Variants in SLC12A6 observed in about 807,000 individuals in gnomAD.
SLC12A6 encodes solute carrier family 12 member 6, also known as K-Cl cotransporter 3.
In SLC12A6, 66 loss-of-function variants were observed where a neutral mutation model predicts 135.3. That is an observed-to-expected ratio of 0.49 (90% CI 0.40 to 0.60). The LOEUF (loss-of-function observed/expected upper bound fraction) is 0.60. SLC12A6 is among the 20% of genes least tolerant of loss of function. SLC12A6 has a pLI of 0.00. For synonymous variants in SLC12A6, 513 were observed against 508.8 expected, an observed-to-expected ratio of 1.01 and a Z score of -0.11; for missense variants, 1,058 against 1,452.3, an observed-to-expected ratio of 0.73 and a Z score of 4.41.
chr15:34,235,268 C>T lies in SLC12A6; in HGVS notation c.3274G>A (p.Glu1092Lys). The change falls in exon 25 of 26, where the codon GAG becomes AAG. Residue 1092 changes from glutamate (E) to lysine (K), a missense_variant. Physicochemically the swap from Glu to Lys is moderately conservative, Grantham distance 56. This residue lies in a region of SLC12A6 where 245 missense variants were observed against 440.8 expected (regional missense o/e 0.56). Transcript: ENST00000354181. ...TCATGGGACTTGTTAACTATAACCT[C>T]GTTGAGTTTCACTGCTGTATGCATC... ...RRMHTAVKLN[E>K]VIVNKSHEAK... is the part of the protein sequence containing the mutation. 1.2e-6 allele frequency: 2 copies of T among 1,612,342 alleles called. No individual in the cohort carries two copies. The highest frequency in any genetic ancestry group is 2.2e-5 in the East Asian group (1 of 44,872).
Position 34,245,742 on chromosome 15 carries a change from G to C in SLC12A6, c.1775C>G (p.Pro592Arg). 1 of 1,613,502 alleles carries C rather than the reference G, an allele frequency of 6.2e-7. No individual in the cohort carries two copies. The highest frequency in any genetic ancestry group is 8.5e-7 in the Non-Finnish European group (1 of 1,179,496). Residue 592 changes from proline to arginine, a missense_variant, in exon 14 of 26, where the codon CCG becomes CGG. This residue lies in a region of SLC12A6 where 170 missense variants were observed against 297.6 expected (regional missense o/e 0.57). Transcript: ENST00000354181. ...CTTGGCAATAGCTTGTAGCAGCCTC[G>C]GTGCACCTGTGAGGCTCTGAAGTCC... Reference protein sequence around the residue: ...GAGLQSLTGAPRLLQAIAKDN... With the variant: ...GAGLQSLTGARRLLQAIAKDN...
rs749058767 is a variant in SLC12A6, at chr15:34,245,757, C to T, written c.1760G>A (p.Ser587Asn). The change falls in exon 14 of 26, where the codon AGC (serine) becomes AAC (asparagine). Residue 587 changes from serine to asparagine, a missense_variant. By Grantham distance (46) the Ser-to-Asn change is conservative. Transcript: ENST00000354181. ...FFSTCGAGLQ[S>N]LTGAPRLLQA... ...TAGCAGCCTCGGTGCACCTGTGAGG[C>T]TCTGAAGTCCAGCCCCACATGTTGA... 11 of 1,613,914 alleles carry T rather than the reference C, an allele frequency of 6.8e-6. No homozygotes were observed. The highest frequency in any genetic ancestry group is 9.3e-6 in the Non-Finnish European group (11 of 1,179,822).
At chr15:34,244,582 C>T (rs1313479128) in intron 15 of SLC12A6, among the ~76,000 whole-genome samples, 1 of 152,110 alleles carries the variant, frequency 6.6e-6, no homozygotes, top group East Asian at 1.9e-4. Context: ...CTGGGTCTAC[C>T]TACTTCTCTA....
intron 2 of SLC12A6, among the ~76,000 whole-genome samples, chr15:34,285,156 A>C (rs1894959640): frequency 6.6e-6 from 1 of 152,248 alleles, no homozygotes; most frequent in South Asian, 2.1e-4. Flanking sequence ...ACATGATCAC[A>C]ACAGCTATAG....
intron 3 of SLC12A6, among the ~76,000 whole-genome samples, chr15:34,270,171 C>T (rs79181936): frequency 0.04 from 6,073 of 151,690 alleles, 341 homozygotes; most frequent in African/African-American, 0.1. Context: ...ATCACTCTGT[C>T]GCGGAGTACA....
At chr15:34,321,560 C>G (rs1889093346) in intron 2 of SLC12A6, among the ~76,000 whole-genome samples, 1 of 152,138 alleles carries the variant, frequency 6.6e-6, no homozygotes. Context: ...TTAGTACAAC[C>G]ACTATGGAAA....
intron 13 of SLC12A6, among the ~76,000 whole-genome samples, chr15:34,247,177 G>A (rs1892048715): frequency 6.6e-6 from 1 of 152,178 alleles, no homozygotes; most frequent in African/African-American, 2.4e-5. Flanking sequence ...CATAGCATCA[G>A]TTTAATTACT....
chr15:34,320,922 CAATAAAATAAAATAA>C (rs61190764), intron 2 of SLC12A6, among the ~76,000 whole-genome samples: 1 of 150,968 alleles, frequency 6.6e-6, no homozygotes, highest in Non-Finnish European at 1.5e-5. Flanking sequence ...AAAATAAATA[CAATAAAATAAAATAA>C]AATAAAATAA....
chr15:34,329,117 A>T (rs1159012286), intron 2 of SLC12A6, among the ~76,000 whole-genome samples: 3 of 152,222 alleles, frequency 2.0e-5, no homozygotes, highest in Admixed American at 6.5e-5. Context: ...AAACTCATGT[A>T]ACTTCATTAT....
At chr15:34,285,121 T>C (rs1894956682) in intron 2 of SLC12A6, among the ~76,000 whole-genome samples, 1 of 152,190 alleles carries the variant, frequency 6.6e-6, no homozygotes, top group East Asian at 1.9e-4. Flanking sequence ...TAAGAAGCCA[T>C]TGAAAGGTTT....
chr15:34,236,834 A>T lies in SLC12A6; in HGVS notation c.2935-19T>A, dbSNP rs773582337. On this transcript the variant is annotated intron_variant, in intron 22 of 25. Coordinates refer to ENST00000354181, the MANE Select transcript of SLC12A6 (RefSeq NM_001365088.1). ...TGTCATGCTGCCATAGACATCACAT[A>T]AAAGGGGCAAAAAGCACAAAGGAGA... The T allele has an allele frequency of 3.8e-6, 5 of 1,329,314 alleles. No homozygotes were observed. The East Asian group carries it at 1.1e-4, about 31-fold the overall frequency. 82.3% of individuals were successfully genotyped at this position (1,329,314 alleles called of 1,614,324 possible).
chr15:34,261,330 T>C (rs1222808116), intron 3 of SLC12A6, among the ~76,000 whole-genome samples: 1 of 152,166 alleles, frequency 6.6e-6, no homozygotes, highest in East Asian at 1.9e-4. Flanking sequence ...ATGGAGCTGC[T>C]ATGCCGCCCA....
At chr15:34,322,966 G>A (rs1385424241) in intron 2 of SLC12A6, among the ~76,000 whole-genome samples, 2 of 79,618 alleles carry the variant, frequency 2.5e-5, no homozygotes, top group Non-Finnish European at 4.3e-5. Context: ...GCGACAGAGT[G>A]AAACTCTGTC....
At chr15:34,298,769 T>C (rs936975987) in intron 2 of SLC12A6, among the ~76,000 whole-genome samples, 3 of 152,136 alleles carry the variant, frequency 2.0e-5, no homozygotes, top group African/African-American at 2.4e-5. Context: ...TCTCAATATT[T>C]AGTCATCAAA....
intron 2 of SLC12A6, among the ~76,000 whole-genome samples, chr15:34,326,348 G>A (rs938468206): frequency 1.3e-5 from 2 of 152,012 alleles, no homozygotes; most frequent in African/African-American, 2.4e-5. Flanking sequence ...GATTAAAAAC[G>A]GGCTCCTAGT....
rs1453318249 is a variant in SLC12A6, at chr15:34,337,744, C to G, written c.-485G>C. ...TGCAGTATCCCGGCGCCAGCTGATG[C>G]GGGTGCGCGCGCAGCTGTTGTTTAC... is the stretch of plus-strand genomic sequence containing the variant. On this transcript the variant is annotated 5_prime_UTR_variant, in exon 1 of 26. Coordinates refer to ENST00000354181, the MANE Select transcript of SLC12A6 (RefSeq NM_001365088.1). The G allele has an allele frequency of 6.7e-4, 102 of 152,274 alleles. No homozygotes were observed. The highest frequency in any genetic ancestry group is 1.3e-4 in the Non-Finnish European group (9 of 68,126). The allele number at this position is 152,274 out of a possible 1,614,324, so 9.4% of individuals were successfully genotyped here.
intron 14 of SLC12A6, 36 bp from the exon 15 acceptor site, chr15:34,245,439 C>T: frequency 8.4e-7 from 1 of 1,190,600 alleles, no homozygotes; most frequent in Non-Finnish European, 1.3e-6. Flanking sequence ...CACAGGAGTA[C>T]TGAGTCATTG....
intron 13 of SLC12A6, among the ~76,000 whole-genome samples, chr15:34,246,749 C>T (rs754578926): frequency 7.2e-5 from 11 of 152,006 alleles, no homozygotes; most frequent in Admixed American, 6.6e-4. Flanking sequence ...CTGGCTCAGG[C>T]GATGCTCCTG....
At chr15:34,276,149 A>T (rs1049866044) in intron 2 of SLC12A6, among the ~76,000 whole-genome samples, 1 of 152,140 alleles carries the variant, frequency 6.6e-6, no homozygotes, top group African/African-American at 2.4e-5. Context: ...AAAGTAAATT[A>T]AAAAAATAAT....
Sources: allele counts gnomAD v4.1 joint callset (sites outside exome capture counted in the v4.1 genomes callset), GRCh38; gene constraint gnomAD v4.1.1; regional missense constraint gnomAD v4.1.1; transcripts MANE v1.5; gene names NCBI Gene and HGNC (gene_info 2026-07-23, HGNC 2026-07-21).